Variants in PRKCH observed in about 807,000 individuals in gnomAD.
PRKCH encodes the protein protein kinase C eta, also known as protein kinase C eta type.
PRKCH carries 28 observed loss-of-function variants against 82.5 expected under a neutral mutation model. The observed-to-expected ratio is 0.34, with a 90% CI of 0.25 to 0.47. The LOEUF (loss-of-function observed/expected upper bound fraction) is 0.47. Among genes scored for constraint, PRKCH ranks in the 20% least tolerant of loss-of-function variants. The probability of loss-of-function intolerance (pLI) is 1.00; values close to 1 mark genes in which losing one functional copy is unlikely to be tolerated. For missense variants in PRKCH, 705 were observed against 881.8 expected (o/e 0.80, Z 2.54); for synonymous variants, 322 against 327.4 (o/e 0.98, Z 0.18).
intron 1 of PRKCH, among the ~76,000 whole-genome samples, chr14:61,312,946 T>C (rs559491180): frequency 2.4e-4 from 37 of 152,320 alleles, no homozygotes; most frequent in African/African-American, 8.9e-4. Flanking sequence ...ATCATTTGAA[T>C]TGATAATAAA....
chr14:61,301,348 A>C (rs2045446079), intron 1 of PRKCH, among the ~76,000 whole-genome samples: 2 of 152,242 alleles, frequency 1.3e-5, no homozygotes, highest in South Asian at 4.1e-4. Flanking sequence ...TTTATTCAGA[A>C]GGAAAATAAA....
chr14:61,403,779 T>C (rs1490797297), intron 2 of PRKCH, among the ~76,000 whole-genome samples: 3 of 152,232 alleles, frequency 2.0e-5, no homozygotes, highest in Non-Finnish European at 4.4e-5. Flanking sequence ...ATTCTCCTTT[T>C]CTAATCAAGG....
At chr14:61,225,611 T>A (rs1594860910) in intron 1 of PRKCH, among the ~76,000 whole-genome samples, 1 of 152,236 alleles carries the variant, frequency 6.6e-6, no homozygotes, top group South Asian at 2.1e-4. Flanking sequence ...CACCCACATA[T>A]GAGTAAGTGT....
chr14:61,547,123 G>A (rs2043268274), intron 12 of PRKCH, among the ~76,000 whole-genome samples: 1 of 152,170 alleles, frequency 6.6e-6, no homozygotes, highest in Non-Finnish European at 1.5e-5. Context: ...AGTGGTGGGG[G>A]GAACATCTTG....
At chr14:61,233,782 G>GT (rs1312993967) in intron 1 of PRKCH, among the ~76,000 whole-genome samples, 1 of 152,172 alleles carries the variant, frequency 6.6e-6, no homozygotes, top group Non-Finnish European at 1.5e-5. Context: ...CACCATGATT[G>GT]TAAGTTTCCT....
At chr14:61,439,273 G>T (rs1883832012) in intron 2 of PRKCH, among the ~76,000 whole-genome samples, 1 of 152,168 alleles carries the variant, frequency 6.6e-6, no homozygotes, top group African/African-American at 2.4e-5. Flanking sequence ...GTGAAGTGGG[G>T]TTGGAGTCTG....
intron 2 of PRKCH, among the ~76,000 whole-genome samples, chr14:61,440,249 G>A (rs1883892757): frequency 6.6e-6 from 1 of 152,324 alleles, no homozygotes; most frequent in East Asian, 1.9e-4. Context: ...AGAGGGCAGT[G>A]TAGTGTAGTA....
intron 9 of PRKCH, among the ~76,000 whole-genome samples, chr14:61,480,587 C>A (rs1361975245): frequency 6.6e-6 from 1 of 152,014 alleles, no homozygotes; most frequent in Non-Finnish European, 1.5e-5. Flanking sequence ...TGGCAAGTTC[C>A]AACATTACTG....
chr14:61,259,890 A>C (rs2140079050), intron 1 of PRKCH, among the ~76,000 whole-genome samples: 1 of 152,312 alleles, frequency 6.6e-6, no homozygotes, highest in South Asian at 2.1e-4. Flanking sequence ...TGATGTGAGA[A>C]TATTAATCTG....
chr14:61,312,692 T>C lies in PRKCH; in HGVS notation c.-19+125024T>C, dbSNP rs918602530. Among the ~76,000 whole-genome samples, 5 of 152,282 alleles carry C rather than the reference T, an allele frequency of 3.3e-5. No individual in the cohort carries two copies. In the South Asian group the frequency reaches 1.0e-3, roughly 32 times the overall value. ...GGCAAGAGAGTGTGTACAGTGGAAC[T>C]GCCCTTTATAAAACCATCAGATCTC... On this transcript the variant is annotated intron_variant, in intron 1 of 3. Coordinates refer to the PRKCH transcript ENST00000555185.
At chr14:61,339,736 C>T (rs1402656216) in intron 1 of PRKCH, among the ~76,000 whole-genome samples, 3 of 144,376 alleles carry the variant, frequency 2.1e-5, no homozygotes, top group African/African-American at 7.8e-5. Flanking sequence ...GGCCAGAGTG[C>T]AGTGGCGCAA....
chr14:61,363,727 C>A (rs2046260209), intron 1 of PRKCH, among the ~76,000 whole-genome samples: 1 of 151,598 alleles, frequency 6.6e-6, no homozygotes, highest in East Asian at 1.9e-4. Flanking sequence ...GGTTGGTGCC[C>A]AAAGAGAACT....
intron 12 of PRKCH, among the ~76,000 whole-genome samples, chr14:61,535,191 G>T (rs1288718190): frequency 6.6e-6 from 1 of 152,162 alleles, no homozygotes; most frequent in African/African-American, 2.4e-5. Flanking sequence ...GCAGGCATGG[G>T]TTCTGCAATA....
intron 1 of PRKCH, among the ~76,000 whole-genome samples, chr14:61,261,649 T>G (rs1176842131): frequency 6.6e-6 from 1 of 152,160 alleles, no homozygotes. Flanking sequence ...AATTCATCTG[T>G]TGCCATTTAC....
intron 1 of PRKCH, among the ~76,000 whole-genome samples, chr14:61,274,733 T>G (rs1306812613): frequency 6.6e-6 from 1 of 152,168 alleles, no homozygotes; most frequent in African/African-American, 2.4e-5. Flanking sequence ...ATGAAGTTAG[T>G]ATGGCCCATA....
At chr14:61,274,608 G>C (rs1441414928) in intron 1 of PRKCH, among the ~76,000 whole-genome samples, 1 of 152,198 alleles carries the variant, frequency 6.6e-6, no homozygotes, top group Non-Finnish European at 1.5e-5. Context: ...TTGATTCTAA[G>C]AGGAAACAGA....
intron 1 of PRKCH, among the ~76,000 whole-genome samples, chr14:61,243,466 A>C (rs1385609760): frequency 1.3e-5 from 2 of 151,988 alleles, no homozygotes; most frequent in African/African-American, 4.8e-5. Flanking sequence ...AGGTGGAGAG[A>C]ATAACATGTG....
At chr14:61,485,225 G>C (rs1232878169) in intron 9 of PRKCH, among the ~76,000 whole-genome samples, 1 of 152,082 alleles carries the variant, frequency 6.6e-6, no homozygotes, top group African/African-American at 2.4e-5. Context: ...GCTGGAACTC[G>C]AGTCAAAGGT....
chr14:61,306,469 C>T (rs979481645), intron 1 of PRKCH: 4 of 152,250 alleles, frequency 2.6e-5, no homozygotes, highest in Admixed American at 2.0e-4. Context: ...GATTCCACTT[C>T]CTTTTAGTCT....
Sources: allele counts gnomAD v4.1 joint callset (sites outside exome capture counted in the v4.1 genomes callset), GRCh38; gene constraint gnomAD v4.1.1; transcripts MANE v1.5; gene names NCBI Gene and HGNC (gene_info 2026-07-23, HGNC 2026-07-21).